The following CACNA1C variants were observed in gnomAD, a reference collection of about 807,000 sequenced individuals.
CACNA1C encodes the protein voltage-dependent L-type calcium channel subunit alpha-1C.
A neutral mutation model predicts 229.0 loss-of-function variants in CACNA1C; 30 were observed. The ratio of observed to expected loss-of-function variants is 0.13; its 90% confidence interval spans 0.10 to 0.18. The LOEUF is 0.18. Ranked by LOEUF, CACNA1C falls within the 10% of genes least tolerant of loss-of-function variation. The pLI is 1.00. For missense variants in CACNA1C, 1,658 were observed against 2,845.0 expected (o/e 0.58, Z 9.49); for synonymous variants, 1,114 against 1,132.5 (o/e 0.98, Z 0.33).
chr12:2,137,416 A>G (rs2093651782), intron 3 of CACNA1C, among the ~76,000 whole-genome samples: 1 of 151,194 alleles, frequency 6.6e-6, no homozygotes, highest in Non-Finnish European at 1.5e-5. Context: ...AAGTATATAT[A>G]TACACACACA....
intron 3 of CACNA1C, among the ~76,000 whole-genome samples, chr12:2,373,931 A>AT (rs1392515923): frequency 6.6e-6 from 1 of 152,094 alleles, no homozygotes; most frequent in Non-Finnish European, 1.5e-5. Context: ...GATATTCCGA[A>AT]TTCCTTTTTC....
intron 1 of CACNA1C, among the ~76,000 whole-genome samples, chr12:2,012,184 A>G (rs2044560025): frequency 6.6e-6 from 1 of 152,122 alleles, no homozygotes. Context: ...AGGAGCTAGA[A>G]CTCTAATAGT....
intron 39 of CACNA1C, 172 bp from the exon 40 acceptor site, chr12:2,676,922 C>T (rs988378709): frequency 4.9e-5 from 27 of 556,302 alleles, no homozygotes; most frequent in African/African-American, 4.4e-4. Context: ...GACTTTTGAC[C>T]ATAAGCCTTT....
Position 2,585,775 on chromosome 12 carries a change from G to A in CACNA1C, c.2461-60G>A, listed in dbSNP as rs911685033. On this transcript the variant is annotated intron_variant, in intron 17 of 46. Transcript: ENST00000399655. This position sits in a 1 kb window ranked among gnomAD's most constrained non-coding sequence, Gnocchi z 4.1. ...AAATGCAACTTCAAGGCTACTGCAA[G>A]CCTCTTAACTTGGGGACGTATCTAA... 7.8e-7 allele frequency: 1 copy of A among 1,277,066 alleles called. No homozygotes were observed. The highest frequency in any genetic ancestry group is 1.1e-6 in the Non-Finnish European group (1 of 889,420). 79.1% of individuals were successfully genotyped at this position (1,277,066 alleles called of 1,614,324 possible).
intron 3 of CACNA1C, among the ~76,000 whole-genome samples, chr12:2,353,312 C>T (rs1019045140): frequency 6.6e-6 from 1 of 152,170 alleles, no homozygotes; most frequent in African/African-American, 2.4e-5. Context: ...AGAGTGAGCC[C>T]CCCCTGGTGC....
At chr12:1,970,882 TA>T (rs1440315946) in exon 1 of CACNA1C, 1 of 301,266 alleles carries the variant, frequency 3.3e-6, no homozygotes, top group Non-Finnish European at 6.5e-6. Context: ...TTCTAAAACT[TA>T]AAAGGAATTT....
chr12:2,282,448 C>T (rs973703383), intron 3 of CACNA1C, among the ~76,000 whole-genome samples: 3 of 152,194 alleles, frequency 2.0e-5, no homozygotes, highest in Non-Finnish European at 2.9e-5. Flanking sequence ...AGGAGTGAGA[C>T]AGGAACAGCA....
At chr12:2,288,731 C>T (rs1483199114) in intron 3 of CACNA1C, 8 of 152,220 alleles carry the variant, frequency 5.3e-5, no homozygotes, top group Admixed American at 3.3e-4. Flanking sequence ...AGATTAATCA[C>T]CCTGCTGCGG....
chr12:2,548,917 A>G (rs1286208643), intron 9 of CACNA1C, among the ~76,000 whole-genome samples: 1 of 152,298 alleles, frequency 6.6e-6, no homozygotes, highest in Admixed American at 6.5e-5. Flanking sequence ...ATTCTGGAGG[A>G]ACAGCAGAAC....
chr12:2,204,546 A>T (rs1008777812), intron 3 of CACNA1C, among the ~76,000 whole-genome samples: 7 of 151,288 alleles, frequency 4.6e-5, no homozygotes, highest in African/African-American at 1.5e-4. Flanking sequence ...ACCAACCCAA[A>T]TGTCCAACAA....
intron 9 of CACNA1C, 107 bp downstream of exon 9, chr12:2,513,091 G>T: frequency 1.2e-6 from 1 of 837,776 alleles, no homozygotes; most frequent in Non-Finnish European, 1.8e-6. Context: ...AAGCCCACGG[G>T]GTGCCTTCCT....
Position 2,665,278 on chromosome 12 carries a change from T to C in CACNA1C, c.4398+288T>C, listed in dbSNP as rs530989811. 1.4e-3 allele frequency among the ~76,000 whole-genome samples: 216 copies of C among 152,316 alleles called. No individual in the cohort carries two copies. Among genetic ancestry groups the C allele is most frequent in the Middle Eastern group, 3.4e-3 (1 of 294 alleles). ...GGGCCTAGAAAGAACTGTACTTTTT[T>C]GGCATCTTGCTGAGGAGTGAGGAAA... On this transcript the variant is annotated intron_variant, in intron 35 of 46. Transcript: ENST00000399655. The surrounding 1 kb of genome is among the most constrained non-coding windows in gnomAD (Gnocchi z 5.9).
At chr12:2,292,778 C>A (rs2093638367) in intron 3 of CACNA1C, among the ~76,000 whole-genome samples, 1 of 152,132 alleles carries the variant, frequency 6.6e-6, no homozygotes, top group Non-Finnish European at 1.5e-5. Flanking sequence ...AATGGGCAGC[C>A]TATGGGTGAA....
In CACNA1C at chr12:2,348,378, G is replaced by A. The variant is rs2097110123; in HGVS notation, c.478-100598G>A. On this transcript the variant is annotated intron_variant, in intron 3 of 46. Coordinates refer to ENST00000399655, the MANE Select transcript of CACNA1C (RefSeq NM_000719.7). This position sits in a 1 kb window ranked among gnomAD's most constrained non-coding sequence, Gnocchi z 4.7. Reference sequence around the variant, plus strand: ...TCCCAAGAGCTCCCGGCCCACGACTGAGTCACGCGGCTTCTTAGCAACTTA... The same window carrying A: ...TCCCAAGAGCTCCCGGCCCACGACTAAGTCACGCGGCTTCTTAGCAACTTA... Among the ~76,000 whole-genome samples the A allele has an allele frequency of 6.6e-6, 1 of 152,220 alleles. No homozygotes were observed. The highest frequency in any genetic ancestry group is 1.5e-5 in the Non-Finnish European group (1 of 68,038).
rs745997744 is a variant in CACNA1C at position 2,679,775 on chromosome 12, C to G, written c.5423C>G (p.Ala1808Gly). 3.8e-6 allele frequency: 6 copies of G among 1,572,822 alleles called. No individual in the cohort carries two copies. In the African/African-American group the frequency reaches 8.1e-5, roughly 21 times the overall value. ...CCTGCCATCCGGGTGCAGGAGGTGGCGTGGAAGCTCAGCTCCAACAGGTAA... is the reference window on the plus strand; with the variant it reads ...CCTGCCATCCGGGTGCAGGAGGTGGGGTGGAAGCTCAGCTCCAACAGGTAA... ...LSPAIRVQEV[A>G]WKLSSNRCHS... Residue 1808 changes from alanine (A) to glycine (G), a missense_variant, in exon 42 of 47, where the codon GCG becomes GGG. By Grantham distance (60) the Ala-to-Gly change is moderately conservative. Transcript: ENST00000399655. The surrounding 1 kb of genome is among the most constrained non-coding windows in gnomAD (Gnocchi z 5.5).
At position 2,566,548 on chromosome 12, in the gene CACNA1C, C is replaced by T. The variant is rs1171966123; in HGVS notation, c.1635C>T (p.His545=). 6.3e-7 allele frequency: 1 copy of T among 1,599,218 alleles called. No homozygotes were observed. Among genetic ancestry groups the T allele is most frequent in the Non-Finnish European group, 8.5e-7 (1 of 1,173,110 alleles). Residue 545 remains histidine (H), a synonymous_variant, in exon 12 of 47, where the codon CAC becomes CAT. Transcript: ENST00000399655. This position sits in a 1 kb window ranked among gnomAD's most constrained non-coding sequence, Gnocchi z 4.0. ...ACACGCTCACCATTGCCTCTGAGCACTACAACCAGCCCAACTGGCTCACAG... is the reference window on the plus strand; with the variant it reads ...ACACGCTCACCATTGCCTCTGAGCATTACAACCAGCCCAACTGGCTCACAG... ...FLNTLTIASE[H]YNQPNWLTEV...
chr12:2,113,597 C>T (rs776103931), intron 1 of CACNA1C, among the ~76,000 whole-genome samples: 5 of 152,192 alleles, frequency 3.3e-5, no homozygotes, highest in Admixed American at 6.5e-5. Flanking sequence ...CTGGCTGCTT[C>T]GGCCACAGTC....
chr12:2,174,601 A>G (rs1297974388), intron 3 of CACNA1C, among the ~76,000 whole-genome samples: 1 of 152,074 alleles, frequency 6.6e-6, no homozygotes. Context: ...CAGCAATTAT[A>G]TAATTTCACC....
chr12:2,014,167 T>C (rs547889461), intron 1 of CACNA1C, among the ~76,000 whole-genome samples: 21 of 152,282 alleles, frequency 1.4e-4, no homozygotes, highest in African/African-American at 4.6e-4. Context: ...TATTAGTGTA[T>C]TTATAAACAA....
Sources: gnomAD v4.1 joint callset for allele counts (sites outside exome capture counted in the v4.1 genomes callset) on GRCh38, gnomAD v4.1.1 for gene constraint, Gnocchi (gnomAD v3.1) non-coding constraint, MANE v1.5 for transcripts, NCBI Gene and HGNC (gene_info 2026-07-23, HGNC 2026-07-21) for gene names.